The following RAB40C variants were observed in gnomAD, a reference collection of about 807,000 sequenced individuals.
RAB40C encodes ras-related protein Rab-40C.
RAB40C carries 8 observed loss-of-function variants against 28.1 expected under a neutral mutation model. That is an observed-to-expected ratio of 0.28 (90% CI 0.17 to 0.51). RAB40C has a LOEUF of 0.51. Ranked by LOEUF, RAB40C falls within the 20% of genes least tolerant of loss-of-function variation. The pLI, the probability that RAB40C is intolerant of heterozygous loss-of-function variation, is 0.97. For missense variants in RAB40C, 288 were observed against 405.9 expected, an observed-to-expected ratio of 0.71 and a Z score of 2.50; for synonymous variants, 201 against 171.7, an observed-to-expected ratio of 1.17 and a Z score of -1.34.
In RAB40C at chr16:627,765, G is replaced by A. The variant is rs964632782; in HGVS notation, c.*143G>A. ...GCCGGGCTTTCCTCACACCTGAGCCGGGTGCGAGGAGGAGCATGCACGGAC... is the reference window on the plus strand; with the variant it reads ...GCCGGGCTTTCCTCACACCTGAGCCAGGTGCGAGGAGGAGCATGCACGGAC... On this transcript the variant is annotated 3_prime_UTR_variant, in exon 6 of 6. Transcript: ENST00000248139. 1.5e-5 allele frequency: 17 copies of A among 1,097,476 alleles called. No individual in the cohort carries two copies. The highest frequency in any genetic ancestry group is 5.5e-5 in the South Asian group (3 of 54,632). The allele number at this position is 1,097,476 out of a possible 1,614,324, so 68.0% of individuals were successfully genotyped here. A position where few individuals can be genotyped will look rare whatever the true frequency, so the allele number is the denominator to read the frequency against.
At chr16:621,874 G>A (rs970918876) in intron 3 of RAB40C, among the ~76,000 whole-genome samples, 1 of 152,214 alleles carries the variant, frequency 6.6e-6, no homozygotes, top group African/African-American at 2.4e-5. Context: ...TGTGGAGCGT[G>A]GTACGGGAGG....
chr16:596,141 G>C (rs2036118947), intron 1 of RAB40C, among the ~76,000 whole-genome samples: 1 of 152,254 alleles, frequency 6.6e-6, no homozygotes, highest in Non-Finnish European at 1.5e-5. Context: ...CTCTCGCAGG[G>C]TGGTGTGGAC....
At chr16:611,512 CGGA>C (rs2036484120) in intron 1 of RAB40C, among the ~76,000 whole-genome samples, 1 of 152,208 alleles carries the variant, frequency 6.6e-6, no homozygotes, top group Admixed American at 6.5e-5. Flanking sequence ...ACAGAACCAC[CGGA>C]GGAGGGAGGT....
At chr16:625,737 GT>G in intron 4 of RAB40C, 161 bp from the exon 5 acceptor site, 2 of 853,240 alleles carry the variant, frequency 2.3e-6, no homozygotes, top group Non-Finnish European at 1.8e-6. Flanking sequence ...GGGCTGCACT[GT>G]AGGGCCTGAG....
intron 1 of RAB40C, among the ~76,000 whole-genome samples, chr16:593,418 T>G (rs2036043492): frequency 6.6e-6 from 1 of 152,236 alleles, no homozygotes; most frequent in African/African-American, 2.4e-5. Flanking sequence ...TCTCCTTTGT[T>G]GGGAGGTGCC....
intron 1 of RAB40C, among the ~76,000 whole-genome samples, chr16:598,805 G>A (rs2036188238): frequency 6.6e-6 from 1 of 152,154 alleles, no homozygotes; most frequent in Non-Finnish European, 1.5e-5. Context: ...AAATGGGCAG[G>A]TACTTTACAG....
At chr16:592,791 G>C (rs1386468888) in intron 1 of RAB40C, among the ~76,000 whole-genome samples, 1 of 152,234 alleles carries the variant, frequency 6.6e-6, no homozygotes, top group African/African-American at 2.4e-5. Flanking sequence ...AGCCATGCTG[G>C]CCAGCTCGCC....
intron 3 of RAB40C, among the ~76,000 whole-genome samples, chr16:622,381 G>T (rs367731044): frequency 2.0e-5 from 3 of 152,082 alleles, no homozygotes; most frequent in Non-Finnish European, 2.9e-5. Context: ...GACCCCGCCC[G>T]CGAGGCATGA....
In RAB40C at chr16:628,095, A is replaced by C; in HGVS notation, c.*473A>C. The C allele has an allele frequency of 6.5e-6, 1 of 154,108 alleles. No homozygotes were observed. The highest frequency in any genetic ancestry group is 1.4e-5 in the Non-Finnish European group (1 of 69,344). 9.5% of individuals were successfully genotyped at this position (154,108 alleles called of 1,614,324 possible). Reference sequence around the variant, plus strand: ...CGATGGCAAGGCATCCTGTGAATTCATGCGCTGCGAGTGGCGGGGCTGCCC... The same window carrying C: ...CGATGGCAAGGCATCCTGTGAATTCCTGCGCTGCGAGTGGCGGGGCTGCCC... On this transcript the variant is annotated 3_prime_UTR_variant, in exon 6 of 6. Transcript: ENST00000248139.
intron 1 of RAB40C, among the ~76,000 whole-genome samples, chr16:600,841 G>T (rs2036234083): frequency 6.6e-6 from 1 of 152,226 alleles, no homozygotes; most frequent in Non-Finnish European, 1.5e-5. Context: ...TGACTGCCCA[G>T]GTTTTGCCTG....
At chr16:591,727 G>A (rs2036003534) in intron 1 of RAB40C, among the ~76,000 whole-genome samples, 1 of 151,952 alleles carries the variant, frequency 6.6e-6, no homozygotes, top group Admixed American at 6.6e-5. Context: ...GAGTAGCTGG[G>A]ACTACAGGTG....
At chr16:602,330 CTG>C (rs2036270553) in intron 1 of RAB40C, among the ~76,000 whole-genome samples, 1 of 150,732 alleles carries the variant, frequency 6.6e-6, no homozygotes, top group Non-Finnish European at 1.5e-5. Context: ...TCATAGTTCA[CTG>C]CAGCCTCAAA....
intron 3 of RAB40C, among the ~76,000 whole-genome samples, chr16:619,279 G>A (rs999254547): frequency 2.7e-5 from 4 of 150,752 alleles, no homozygotes; most frequent in Non-Finnish European, 5.9e-5. Context: ...CAGGTGTGGT[G>A]TACTTGGAGC....
Position 590,300 on chromosome 16 carries a change from G to T in RAB40C, c.9G>T (p.Ser3=). 7 of 1,553,778 alleles carry T rather than the reference G, an allele frequency of 4.5e-6. No individual in the cohort carries two copies. Among genetic ancestry groups the T allele is most frequent in the South Asian group, 1.2e-5 (1 of 85,220 alleles). The part of the protein sequence containing the change: MG[S]QGSPVKSYDY... ...GCGCAGGCGGCGCGGCCATGGGCTC[G>T]CAGGGCAGTCCGGTGAAGAGCTACG... The change falls in exon 1 of 6, where the codon TCG becomes TCT. Residue 3 remains serine (S), a synonymous_variant. Transcript: ENST00000248139.
rs776158624 is a variant in RAB40C, at chr16:623,918, AGAGT to A, written c.265-1510_265-1507del. The A allele has an allele frequency of 1.1e-3, 1,123 of 982,742 alleles. 2 individuals carry two copies. Among genetic ancestry groups the A allele is most frequent in the Middle Eastern group, 2.1e-3 (4 of 1,908 alleles). 60.9% of individuals were successfully genotyped at this position (982,742 alleles called of 1,614,324 possible). On this transcript the variant is annotated intron_variant, in intron 3 of 5. Coordinates refer to ENST00000248139, the MANE Select transcript of RAB40C (RefSeq NM_021168.5). ...CTGCATGAACCCCAGCCTGGCTGAC[AGAGT>A]GAGACCCTGTTTCAAAAAAAAAGAA...
chr16:590,390 C>A lies in RAB40C; in HGVS notation c.99C>A (p.Ser33Arg). The change falls in exon 1 of 6, where the codon AGC becomes AGA. Residue 33 changes from serine (S) to arginine (R), a missense_variant. By Grantham distance (110) the Ser-to-Arg change is moderately radical. This residue lies in a region of RAB40C where 78 missense variants were observed against 88.2 expected (regional missense o/e 0.88). Transcript: ENST00000248139. ...TGGGCAAGGGCGAGATCCTGGAGAG[C>A]CTGCAGGACGGCGCGGCAGAGTCCC... ...SDVGKGEILE[S>R]LQDGAAESPY... 3 of 1,595,416 alleles carry A rather than the reference C, an allele frequency of 1.9e-6. No homozygotes were observed. The highest frequency in any genetic ancestry group is 2.6e-6 in the Non-Finnish European group (3 of 1,172,780).
In RAB40C at chr16:627,782, T is replaced by C; in HGVS notation, c.*160T>C. ...CCTGAGCCGGGTGCGAGGAGGAGCA[T>C]GCACGGACCAAGCGCGGCAGGCGGG... On this transcript the variant is annotated 3_prime_UTR_variant, in exon 6 of 6. Transcript: ENST00000248139. The C allele has an allele frequency of 1.1e-6, 1 of 893,728 alleles. No individual in the cohort carries two copies. Among genetic ancestry groups the C allele is most frequent in the South Asian group, 2.4e-5 (1 of 41,466 alleles). The allele number at this position is 893,728 out of a possible 1,614,324, so 55.4% of individuals were successfully genotyped here.
intron 5 of RAB40C, 29 bp from the exon 6 acceptor site, chr16:627,313 C>G: frequency 6.2e-7 from 1 of 1,600,030 alleles, no homozygotes; most frequent in Non-Finnish European, 8.5e-7. Context: ...CCCACAGCCC[C>G]ATGGTCTGAC....
chr16:625,392 G>A (rs752739009), intron 3 of RAB40C, 40 bp from the exon 4 acceptor site: 40 of 1,603,228 alleles, frequency 2.5e-5, no homozygotes, highest in African/African-American at 4.0e-5. Context: ...CTGGCCATGC[G>A]TGTCAGTGAC....
Sources: gnomAD v4.1 joint callset for allele counts (sites outside exome capture counted in the v4.1 genomes callset) on GRCh38, gnomAD v4.1.1 for gene constraint, gnomAD v4.1.1 regional missense constraint, MANE v1.5 for transcripts, NCBI Gene and HGNC (gene_info 2026-07-23, HGNC 2026-07-21) for gene names.